The following SNRPN variants were observed in gnomAD, a reference collection of about 807,000 sequenced individuals.
The protein encoded by SNRPN is small nuclear ribonucleoprotein-associated protein N.
A neutral mutation model predicts 25.2 loss-of-function variants in SNRPN; 7 were observed. The ratio of observed to expected loss-of-function variants is 0.28; its 90% CI spans 0.16 to 0.52. The LOEUF (loss-of-function observed/expected upper bound fraction) is 0.52, where lower values mean the gene tolerates loss of function less well. Ranked by LOEUF, SNRPN falls within the 20% of genes least tolerant of loss-of-function variation. The pLI is 0.96. For synonymous variants in SNRPN, 124 were observed against 110.6 expected (o/e 1.12, Z -0.76); for missense variants, 196 against 322.5 (o/e 0.61, Z 3.00).
At chr15:24,948,209 G>T (rs535085248) in intron 3 of SNRPN, among the ~76,000 whole-genome samples, 35 of 152,210 alleles carry the variant, frequency 2.3e-4, no homozygotes, top group African/African-American at 7.0e-4. Flanking sequence ...CAGCTCCCAG[G>T]TTCGAGTGAT....
At chr15:24,921,591 C>G (rs1212142979) in intron 3 of SNRPN, among the ~76,000 whole-genome samples, 2 of 152,088 alleles carry the variant, frequency 1.3e-5, no homozygotes, top group Non-Finnish European at 2.9e-5. Context: ...AGTGAGCCAC[C>G]CAGGGCTTGG....
At chr15:24,918,791 T>C (rs202067167) in intron 2 of SNRPN, among the ~76,000 whole-genome samples, 486 of 35,410 alleles carry the variant, frequency 0.014, 146 homozygotes, top group Non-Finnish European at 0.022. Flanking sequence ...TATATATGTG[T>C]GCATATATAT....
At chr15:24,872,111 G>GT (rs150738968) in intron 1 of SNRPN, among the ~76,000 whole-genome samples, 5,138 of 120,702 alleles carry the variant, frequency 0.043, 1,337 homozygotes, top group African/African-American at 0.14. Context: ...TGTTACTTGT[G>GT]TTTTTTGTGT....
chr15:24,901,847 A>G (rs1267656560), intron 2 of SNRPN, among the ~76,000 whole-genome samples: 2 of 152,194 alleles, frequency 1.3e-5, no homozygotes, highest in South Asian at 4.1e-4. Flanking sequence ...TCACAAGTGT[A>G]ATGAGGCGAG....
At chr15:24,867,085 T>C (rs140865821) in intron 1 of SNRPN, among the ~76,000 whole-genome samples, 1 of 152,312 alleles carries the variant, frequency 6.6e-6, no homozygotes, top group Non-Finnish European at 1.5e-5. Flanking sequence ...ACTGCTAAAA[T>C]ATACATGAGT....
chr15:24,845,642 C>T (rs1239303932), intron 2 of SNRPN, among the ~76,000 whole-genome samples: 4 of 151,992 alleles, frequency 2.6e-5, no homozygotes, highest in African/African-American at 7.2e-5. Context: ...AGTAGTGAGT[C>T]CCCCAATATT....
At chr15:24,877,926 C>T (rs912027220) in intron 1 of SNRPN, among the ~76,000 whole-genome samples, 1 of 152,196 alleles carries the variant, frequency 6.6e-6, no homozygotes, top group Non-Finnish European at 1.5e-5. Context: ...GTCACCTGCT[C>T]TTAAGTAGTG....
At chr15:24,879,284 G>A (rs1439222800) in intron 1 of SNRPN, among the ~76,000 whole-genome samples, 2 of 151,768 alleles carry the variant, frequency 1.3e-5, no homozygotes, top group African/African-American at 4.8e-5. Context: ...AAATACAAAA[G>A]AAATTACCCG....
At chr15:24,915,741 G>A (rs1018326781) in intron 2 of SNRPN, among the ~76,000 whole-genome samples, 10 of 151,920 alleles carry the variant, frequency 6.6e-5, no homozygotes, top group African/African-American at 1.2e-4. Context: ...TAAATTCCTC[G>A]TCTTTTTATT....
chr15:24,930,215 A>G (rs1190358892), intron 3 of SNRPN, among the ~76,000 whole-genome samples: 1 of 147,730 alleles, frequency 6.8e-6, no homozygotes, highest in African/African-American at 2.5e-5. Flanking sequence ...CAGTCCAAAA[A>G]AAAAAAAAAA....
chr15:24,943,347 G>A (rs1254761262), intron 3 of SNRPN, among the ~76,000 whole-genome samples: 3 of 152,128 alleles, frequency 2.0e-5, no homozygotes. Flanking sequence ...TGCATGTTTT[G>A]TAGAACCATC....
chr15:24,895,532 A>C (rs917317199), intron 2 of SNRPN, among the ~76,000 whole-genome samples: 1 of 152,056 alleles, frequency 6.6e-6, no homozygotes, highest in Non-Finnish European at 1.5e-5. Context: ...TGAAATTGCC[A>C]TCACATATCT....
chr15:24,828,751 T>C (rs574081548), intron 1 of SNRPN, among the ~76,000 whole-genome samples: 1 of 152,182 alleles, frequency 6.6e-6, no homozygotes, highest in East Asian at 1.9e-4. Flanking sequence ...TAAATAAGTG[T>C]TTGAAAATAT....
At chr15:24,881,800 C>T (rs1180153143) in intron 1 of SNRPN, among the ~76,000 whole-genome samples, 2 of 152,120 alleles carry the variant, frequency 1.3e-5, no homozygotes, top group Admixed American at 1.3e-4. Context: ...ATCAGTTATT[C>T]CTCAGCTTTA....
At chr15:24,868,119 G>GTATATATA (rs1281653591) in intron 1 of SNRPN, among the ~76,000 whole-genome samples, 3 of 132,512 alleles carry the variant, frequency 2.3e-5, no homozygotes, top group African/African-American at 8.9e-5. Flanking sequence ...GGGTGTGTGT[G>GTATATATA]TGTATATATA....
intron 6 of SNRPN, 119 bp from the exon 7 acceptor site, chr15:24,976,758 C>A: frequency 1.1e-6 from 1 of 874,052 alleles, no homozygotes; most frequent in Admixed American, 2.5e-5. Flanking sequence ...CATTTGGACA[C>A]AGAACTAATA....
At chr15:24,853,392 T>G (rs1047715349), upstream of SNRPN, among the ~76,000 whole-genome samples, 7 of 150,956 alleles carry the variant, frequency 4.6e-5, no homozygotes, top group African/African-American at 1.7e-4. Flanking sequence ...ATTAGGAAGT[T>G]GTCTGATTTT....
chr15:24,874,643 A>G (rs2055667156), intron 1 of SNRPN, among the ~76,000 whole-genome samples: 1 of 152,220 alleles, frequency 6.6e-6, no homozygotes. Context: ...CTGCACATGC[A>G]TGAACTTGAT....
chr15:24,889,365 C>T (rs905761932), intron 2 of SNRPN, among the ~76,000 whole-genome samples: 1 of 152,050 alleles, frequency 6.6e-6, no homozygotes, highest in Non-Finnish European at 1.5e-5. Context: ...TTCAATGGCA[C>T]GATCTCCGCT....
Sources: gnomAD v4.1 joint callset for allele counts (sites outside exome capture counted in the v4.1 genomes callset) on GRCh38, gnomAD v4.1.1 for gene constraint, MANE v1.5 for transcripts, NCBI Gene and HGNC (gene_info 2026-07-23, HGNC 2026-07-21) for gene names.